CDK5RAP1: variants seen among roughly 807,000 people sequenced by gnomAD.
CDK5RAP1 encodes the protein CDK5RAP1 mitochondrial tRNA methylthiotransferase.
In CDK5RAP1, 62 loss-of-function variants were observed where a neutral mutation model predicts 64.5. The ratio of observed to expected loss-of-function variants is 0.96; its 90% CI spans 0.78 to 1.19. The LOEUF (loss-of-function observed/expected upper bound fraction) is 1.19. Among genes scored for constraint, CDK5RAP1 ranks in the 50% most tolerant of loss-of-function variants. The pLI is 0.00. For synonymous variants in CDK5RAP1, 250 were observed against 261.9 expected (o/e 0.95, Z 0.44); for missense variants, 657 against 735.0 (o/e 0.89, Z 1.23).
At chr20:33,360,599 A>G (rs1982742586) in intron 12 of CDK5RAP1, 108 bp from the exon 13 acceptor site, 1 of 989,020 alleles carries the variant, frequency 1.0e-6, no homozygotes. Flanking sequence ...TGACCCACAG[A>G]GCATTCCTTA....
At chr20:33,401,531 G>C (rs978253290), upstream of CDK5RAP1, 2 of 985,456 alleles carry the variant, frequency 2.0e-6, no homozygotes, top group Non-Finnish European at 2.4e-6. Context: ...AGCGACTTCC[G>C]TTCCGCCGCT....
rs545633338 is a variant in CDK5RAP1 at position 33,360,346 on chromosome 20, C to T, written c.1683+5G>A. The T allele has an allele frequency of 6.2e-7, 1 of 1,613,532 alleles. No individual in the cohort carries two copies. The highest frequency in any genetic ancestry group is 1.3e-5 in the African/African-American group (1 of 74,998). On this transcript the variant is annotated splice_donor_5th_base_variant and intron_variant, in intron 13 of 13. Transcript: ENST00000346416. ...GCAAGCCAAAAGCCCAAAAGGACTC[C>T]TCACCTTCACCAGCACATAGTCCCC... is the stretch of plus-strand genomic sequence containing the variant.
At chr20:33,377,564 C>T (rs1189339662) in intron 8 of CDK5RAP1, among the ~76,000 whole-genome samples, 4 of 152,182 alleles carry the variant, frequency 2.6e-5, no homozygotes, top group Admixed American at 6.6e-5. Flanking sequence ...GGAAGTGCTG[C>T]GGCTTCTTTG....
chr20:33,364,875 C>CT (rs79643943), intron 12 of CDK5RAP1, among the ~76,000 whole-genome samples: 1,458 of 139,928 alleles, frequency 0.01, 15 homozygotes, highest in African/African-American at 0.031. Context: ...TGACCAGCCT[C>CT]TTTTTTTTTT....
chr20:33,394,716 T>C (rs938685547), intron 3 of CDK5RAP1, among the ~76,000 whole-genome samples: 1 of 152,180 alleles, frequency 6.6e-6, no homozygotes, highest in African/African-American at 2.4e-5. Flanking sequence ...CTACGCATTT[T>C]CCATAACTTT....
intron 1 of CDK5RAP1, 57 bp from the exon 2 acceptor site, chr20:33,397,141 G>A: frequency 7.6e-7 from 1 of 1,313,970 alleles, no homozygotes; most frequent in South Asian, 1.4e-5. Context: ...ACAGGACACT[G>A]CTGTGAGCAC....
At chr20:33,386,858 G>A (rs1987499986) in intron 6 of CDK5RAP1, among the ~76,000 whole-genome samples, 1 of 151,362 alleles carries the variant, frequency 6.6e-6, no homozygotes, top group Admixed American at 6.6e-5. Flanking sequence ...CCTTGCTTTA[G>A]TGGCAAAAGC....
intron 1 of CDK5RAP1, among the ~76,000 whole-genome samples, chr20:33,400,643 G>C (rs996364516): frequency 5.9e-5 from 9 of 152,080 alleles, no homozygotes; most frequent in Non-Finnish European, 1.0e-4. Flanking sequence ...TTAAGAGTAT[G>C]AACTCCACTA....
At position 33,367,012 on chromosome 20, in the gene CDK5RAP1, T is replaced by C; in HGVS notation, c.1393-4A>G. 3 of 1,577,342 alleles carry C rather than the reference T, an allele frequency of 1.9e-6. No individual in the cohort carries two copies. Among genetic ancestry groups the C allele is most frequent in the South Asian group, 1.2e-5 (1 of 85,042 alleles). ...GCCTATGATATGCCCGTGTCTTCTA[T>C]TAAAAAAAAAAAAAAGAGAGAAGAT... is the stretch of plus-strand genomic sequence containing the variant. On this transcript the variant is annotated splice_polypyrimidine_tract_variant and splice_region_variant and intron_variant, in intron 11 of 13. Transcript: ENST00000346416.
intron 3 of CDK5RAP1, 63 bp from the exon 4 acceptor site, chr20:33,394,129 AT>A: frequency 3.7e-6 from 4 of 1,093,482 alleles, no homozygotes; most frequent in Non-Finnish European, 5.6e-6. Context: ...GCCTTGTACA[AT>A]TCCTGCCCTA....
At position 33,363,336 on chromosome 20, in the gene CDK5RAP1, G is replaced by A. The variant is rs80329338; in HGVS notation, c.1543-2845C>T. Among the ~76,000 whole-genome samples, 1,236 of 152,260 alleles carry A rather than the reference G, an allele frequency of 8.1e-3. 22 individuals are homozygous for A. The highest frequency in any genetic ancestry group is 0.028 in the African/African-American group (1,177 of 41,542). ...ATCCTTTTCCTATAAAGGACAGTTC[G>A]AAGACAACTGGAGGAAACTTACATG... On this transcript the variant is annotated intron_variant, in intron 12 of 13. Coordinates refer to ENST00000346416, the MANE Select transcript of CDK5RAP1 (RefSeq NM_016408.4).
chr20:33,362,043 A>G (rs1983040518), intron 12 of CDK5RAP1, among the ~76,000 whole-genome samples: 1 of 151,880 alleles, frequency 6.6e-6, no homozygotes, highest in Admixed American at 6.6e-5. Context: ...GGTGGGACAT[A>G]TGTGTAATTC....
intron 7 of CDK5RAP1, among the ~76,000 whole-genome samples, chr20:33,384,719 T>C (rs762179328): frequency 7.9e-5 from 12 of 152,058 alleles, no homozygotes; most frequent in Non-Finnish European, 1.3e-4. Context: ...CTGGGCAGCA[T>C]AGTGAGACCT....
At chr20:33,359,369 T>C in intron 13 of CDK5RAP1, 1 of 471,694 alleles carries the variant, frequency 2.1e-6, no homozygotes, top group Non-Finnish European at 3.8e-6. Context: ...TCTTGGAAGA[T>C]GGCTCCTCCT....
intron 1 of CDK5RAP1, among the ~76,000 whole-genome samples, chr20:33,398,825 TTGAGA>T (rs1428948548): frequency 3.3e-5 from 5 of 150,648 alleles, no homozygotes; most frequent in African/African-American, 7.3e-5. Flanking sequence ...ACTCAGGAGG[TTGAGA>T]TGAAAGGATT....
At chr20:33,370,393 C>G in intron 11 of CDK5RAP1, 106 bp downstream of exon 11, 1 of 1,201,576 alleles carries the variant, frequency 8.3e-7, no homozygotes, top group Non-Finnish European at 1.2e-6. Context: ...CCTGTGGTTT[C>G]TCAAGGACTG....
intron 4 of CDK5RAP1, 64 bp downstream of exon 4, chr20:33,393,968 C>A: frequency 1.7e-6 from 2 of 1,162,980 alleles, no homozygotes; most frequent in Non-Finnish European, 2.6e-6. Context: ...CCAGGCCAGG[C>A]ACTGTTAGCT....
rs759893431 is a variant in CDK5RAP1, at chr20:33,379,594, C to T, written c.974G>A (p.Arg325His). The T allele has an allele frequency of 3.1e-6, 5 of 1,613,958 alleles. No homozygotes were observed. Among genetic ancestry groups the T allele is most frequent in the Admixed American group, 1.7e-5 (1 of 60,004 alleles). ...FNSAVPTNLSRGFTTNYKTKQ... is the reference protein window; with the variant it reads ...FNSAVPTNLSHGFTTNYKTKQ... The stretch of plus-strand genomic sequence containing the variant: ...GGTTTTATAGTTGGTGGTAAAGCCA[C>T]GACTGAGATTGGTAGGCACTGCACT... Residue 325 changes from arginine to histidine, a missense_variant, in exon 8 of 14, where the codon CGT becomes CAT. Coordinates refer to ENST00000346416, the MANE Select transcript of CDK5RAP1 (RefSeq NM_016408.4).
intron 6 of CDK5RAP1, 30 bp downstream of exon 6, chr20:33,387,293 T>C (rs777828372): frequency 4.5e-6 from 7 of 1,539,056 alleles, no homozygotes; most frequent in Admixed American, 1.8e-5. Context: ...AGGAAGAGGC[T>C]TATTCCCTAT....
Sources: gnomAD v4.1 joint callset for allele counts (sites outside exome capture counted in the v4.1 genomes callset) on GRCh38, gnomAD v4.1.1 for gene constraint, MANE v1.5 for transcripts, NCBI Gene and HGNC (gene_info 2026-07-23, HGNC 2026-07-21) for gene names.